Variants in GABRG3 observed in about 807,000 individuals in gnomAD.
GABRG3 encodes the protein gamma-aminobutyric acid receptor subunit gamma-3.
Under a neutral mutation model 48.8 loss-of-function variants are expected in GABRG3, and 25 were observed. That is an observed-to-expected ratio of 0.51 (90% confidence interval 0.37 to 0.72). The LOEUF (loss-of-function observed/expected upper bound fraction) is 0.72. GABRG3 is among the 30% of genes least tolerant of loss of function. The pLI, the probability that GABRG3 is intolerant of heterozygous loss-of-function variation, is 0.00. For missense variants in GABRG3, 394 were observed against 577.9 expected (o/e 0.68, Z 3.26); for synonymous variants, 227 against 217.6 (o/e 1.04, Z -0.38).
At chr15:27,199,087 A>T (rs979760719) in intron 3 of GABRG3, among the ~76,000 whole-genome samples, 5 of 152,154 alleles carry the variant, frequency 3.3e-5, no homozygotes, top group African/African-American at 1.2e-4. Flanking sequence ...TGGCATATGT[A>T]TACCTGTGTA....
chr15:27,265,319 T>A (rs2140469638), intron 3 of GABRG3, among the ~76,000 whole-genome samples: 1 of 152,258 alleles, frequency 6.6e-6, no homozygotes, highest in Non-Finnish European at 1.5e-5. Context: ...ACAAGTCATA[T>A]TAAAAATAAA....
chr15:27,243,931 T>C (rs1890201460), intron 3 of GABRG3, among the ~76,000 whole-genome samples: 1 of 152,188 alleles, frequency 6.6e-6, no homozygotes, highest in African/African-American at 2.4e-5. Flanking sequence ...TAATCTGAAA[T>C]TGATCCATGG....
At chr15:27,326,459 C>T (rs1374825967) in intron 3 of GABRG3, among the ~76,000 whole-genome samples, 9 of 152,192 alleles carry the variant, frequency 5.9e-5, no homozygotes, top group Non-Finnish European at 1.0e-4. Context: ...GATCAGAGAA[C>T]AGAGGCTCCA....
At chr15:27,527,075 A>G (rs530249693) in intron 7 of GABRG3, among the ~76,000 whole-genome samples, 1 of 152,292 alleles carries the variant, frequency 6.6e-6, no homozygotes, top group South Asian at 2.1e-4. Context: ...AGTCAGAAAT[A>G]AAAGGATTTA....
chr15:27,150,936 G>C (rs878921163), intron 3 of GABRG3, among the ~76,000 whole-genome samples: 3 of 152,176 alleles, frequency 2.0e-5, no homozygotes, highest in Admixed American at 2.0e-4. Context: ...GGCTGCTCAG[G>C]TAATGATGAA....
chr15:27,330,820 C>T lies in GABRG3; in HGVS notation c.574+1932C>T, dbSNP rs190156589. ...TAGTAGTAAAAATGGTTTGTGTGAC[C>T]AACCACATCTATTTCCCTATTTCTG... is the stretch of plus-strand genomic sequence containing the variant. On this transcript the variant is annotated intron_variant, in intron 5 of 9. Coordinates refer to ENST00000615808, the MANE Select transcript of GABRG3 (RefSeq NM_033223.5). Among the ~76,000 whole-genome samples the T allele has an allele frequency of 5.8e-4, 88 of 152,224 alleles. 1 individual carries two copies. The East Asian group carries it at 0.016, about 27-fold the overall frequency.
intron 5 of GABRG3, among the ~76,000 whole-genome samples, chr15:27,329,560 C>T (rs1474777566): frequency 6.6e-6 from 1 of 152,192 alleles, no homozygotes; most frequent in East Asian, 1.9e-4. Context: ...CCACTGTGCC[C>T]AGCTGATTTA....
chr15:27,342,196 C>A (rs887675263), intron 5 of GABRG3, among the ~76,000 whole-genome samples: 1 of 152,230 alleles, frequency 6.6e-6, no homozygotes, highest in African/African-American at 2.4e-5. Context: ...CTCTTCTGTG[C>A]ATGTGTTTCC....
At chr15:27,274,472 C>T (rs1475070581) in intron 3 of GABRG3, among the ~76,000 whole-genome samples, 1 of 152,090 alleles carries the variant, frequency 6.6e-6, no homozygotes, top group Non-Finnish European at 1.5e-5. Context: ...AAGGGCTGTC[C>T]TGCTTTGCAA....
intron 6 of GABRG3, among the ~76,000 whole-genome samples, chr15:27,500,083 G>A (rs904666282): frequency 1.3e-5 from 2 of 152,204 alleles, no homozygotes; most frequent in Non-Finnish European, 2.9e-5. Context: ...TTCTCTCTGC[G>A]TGGGGAGTGG....
At chr15:27,324,152 C>A (rs1353910538) in intron 3 of GABRG3, among the ~76,000 whole-genome samples, 1 of 152,234 alleles carries the variant, frequency 6.6e-6, no homozygotes, top group East Asian at 1.9e-4. Flanking sequence ...AAATACACTT[C>A]TCCCATCTTC....
intron 2 of GABRG3, among the ~76,000 whole-genome samples, chr15:27,010,079 G>C (rs893005207): frequency 6.6e-6 from 1 of 152,140 alleles, no homozygotes; most frequent in African/African-American, 2.4e-5. Context: ...CAAGTAGCTG[G>C]AGCTACAGGC....
intron 3 of GABRG3, among the ~76,000 whole-genome samples, chr15:27,079,900 TTGTCTTCC>T (rs1290252329): frequency 2.0e-5 from 3 of 152,142 alleles, no homozygotes; most frequent in Admixed American, 2.0e-4. Context: ...TTTCTTTTGA[TTGTCTTCC>T]TGGAAGAAAG....
At chr15:27,300,068 A>T (rs1892141862) in intron 3 of GABRG3, among the ~76,000 whole-genome samples, 1 of 152,176 alleles carries the variant, frequency 6.6e-6, no homozygotes, top group Non-Finnish European at 1.5e-5. Context: ...TGAGGAGCAC[A>T]CAAATCTTTC....
At chr15:27,520,798 T>TA (rs1312100881) in intron 7 of GABRG3, among the ~76,000 whole-genome samples, 1 of 150,624 alleles carries the variant, frequency 6.6e-6, no homozygotes, top group South Asian at 2.1e-4. Context: ...TGTTTTCCCC[T>TA]AAAAAAAATC....
chr15:27,346,426 C>G (rs1366344550), intron 5 of GABRG3, among the ~76,000 whole-genome samples: 1 of 152,044 alleles, frequency 6.6e-6, no homozygotes, highest in Non-Finnish European at 1.5e-5. Context: ...ACATTTATCT[C>G]TTTATTTACT....
intron 5 of GABRG3, among the ~76,000 whole-genome samples, chr15:27,396,364 C>A (rs888465288): frequency 6.6e-6 from 1 of 151,954 alleles, no homozygotes; most frequent in Admixed American, 6.6e-5. Context: ...GATACTTTCC[C>A]AAAAAAGGTA....
In GABRG3 at chr15:27,450,307, ATCC is replaced by A. The variant is rs1265887334; in HGVS notation, c.575-30340_575-30338del. 2.0e-5 allele frequency among the ~76,000 whole-genome samples: 3 copies of A among 152,348 alleles called. No homozygotes were observed. In the East Asian group the frequency reaches 5.8e-4, roughly 29 times the overall value. On this transcript the variant is annotated intron_variant, in intron 5 of 9. Coordinates refer to ENST00000615808, the MANE Select transcript of GABRG3 (RefSeq NM_033223.5). ...ATCCCCGATGAACACAGATGCAAAAATCCTCAACAAAAGACTAGCCAAATGAAT... is the reference window on the plus strand; with the variant it reads ...ATCCCCGATGAACACAGATGCAAAAATCAACAAAAGACTAGCCAAATGAAT...
intron 6 of GABRG3, among the ~76,000 whole-genome samples, chr15:27,482,243 G>A (rs1248290663): frequency 6.6e-6 from 1 of 152,134 alleles, no homozygotes; most frequent in Non-Finnish European, 1.5e-5. Flanking sequence ...TCAATCTTTT[G>A]TATAATTACA....
Sources: allele counts gnomAD v4.1 joint callset (sites outside exome capture counted in the v4.1 genomes callset), GRCh38; gene constraint gnomAD v4.1.1; transcripts MANE v1.5; gene names NCBI Gene and HGNC (gene_info 2026-07-23, HGNC 2026-07-21).